LRRTM3: variants seen among roughly 807,000 people sequenced by gnomAD.
LRRTM3 encodes leucine-rich repeat transmembrane neuronal protein 3.
A neutral mutation model predicts 44.7 loss-of-function variants in LRRTM3; 24 were observed. The ratio of observed to expected loss-of-function variants is 0.54; its 90% CI spans 0.39 to 0.76. LRRTM3 has a LOEUF of 0.76. LRRTM3 is among the 30% of genes least tolerant of loss of function. LRRTM3 has a pLI of 0.00. For missense variants in LRRTM3, 587 were observed against 702.2 expected (o/e 0.84, Z 1.85); for synonymous variants, 277 against 278.7 (o/e 0.99, Z 0.06).
At chr10:66,934,595 C>G (rs187715475) in intron 2 of LRRTM3, among the ~76,000 whole-genome samples, 1 of 152,230 alleles carries the variant, frequency 6.6e-6, no homozygotes, top group African/African-American at 2.4e-5. Flanking sequence ...AGTTGAATTA[C>G]AGTCTTACAA....
chr10:67,034,539 C>T (rs1853926552), intron 2 of LRRTM3, among the ~76,000 whole-genome samples: 1 of 152,078 alleles, frequency 6.6e-6, no homozygotes, highest in Non-Finnish European at 1.5e-5. Flanking sequence ...AATCTCCTAC[C>T]CTCCATTAAC....
intron 2 of LRRTM3, among the ~76,000 whole-genome samples, chr10:67,022,811 G>C (rs941376630): frequency 6.6e-6 from 1 of 152,012 alleles, no homozygotes; most frequent in Non-Finnish European, 1.5e-5. Flanking sequence ...GGTGGTGCAC[G>C]CCTATAATCC....
intron 2 of LRRTM3, among the ~76,000 whole-genome samples, chr10:66,965,147 G>A (rs1400994072): frequency 6.6e-6 from 1 of 152,082 alleles, no homozygotes; most frequent in Non-Finnish European, 1.5e-5. Flanking sequence ...AAGACAGCTG[G>A]GAGCCACGGT....
chr10:66,974,536 T>C (rs572638539), intron 2 of LRRTM3, among the ~76,000 whole-genome samples: 1 of 152,344 alleles, frequency 6.6e-6, no homozygotes, highest in East Asian at 1.9e-4. Flanking sequence ...TTGTAATTAC[T>C]GGTTCGTAGT....
At chr10:67,043,005 T>C (rs1049860524) in intron 2 of LRRTM3, among the ~76,000 whole-genome samples, 12 of 151,876 alleles carry the variant, frequency 7.9e-5, no homozygotes, top group Non-Finnish European at 1.3e-4. Flanking sequence ...ACCGGTGGAA[T>C]AGTACAAAAG....
chr10:67,009,777 C>A (rs927700126), intron 2 of LRRTM3, among the ~76,000 whole-genome samples: 1 of 152,106 alleles, frequency 6.6e-6, no homozygotes, highest in Non-Finnish European at 1.5e-5. Context: ...CCTCTGTCAC[C>A]AAATCTCTTA....
intron 2 of LRRTM3, among the ~76,000 whole-genome samples, chr10:67,045,917 TG>T (rs1272966957): frequency 6.6e-6 from 1 of 152,136 alleles, no homozygotes; most frequent in Non-Finnish European, 1.5e-5. Flanking sequence ...GGAAGAAAAA[TG>T]CACAAGAACT....
intron 2 of LRRTM3, among the ~76,000 whole-genome samples, chr10:67,063,404 G>GAC (rs1855879056): frequency 2.6e-5 from 4 of 152,134 alleles, no homozygotes; most frequent in African/African-American, 9.7e-5. Flanking sequence ...AAAGTTAGGG[G>GAC]TCTCAATCAG....
chr10:67,058,072 C>A (rs915454687), intron 2 of LRRTM3, among the ~76,000 whole-genome samples: 1 of 152,176 alleles, frequency 6.6e-6, no homozygotes, highest in African/African-American at 2.4e-5. Context: ...TGTCTTTCAA[C>A]TAATCTTTTC....
At chr10:66,958,086 T>G (rs1381213445) in intron 2 of LRRTM3, among the ~76,000 whole-genome samples, 8 of 152,098 alleles carry the variant, frequency 5.3e-5, no homozygotes, top group Non-Finnish European at 4.4e-5. Context: ...TCATCCTTGC[T>G]GGCCTTCAGT....
At chr10:66,958,328 A>C (rs1014111335) in intron 2 of LRRTM3, among the ~76,000 whole-genome samples, 1 of 141,828 alleles carries the variant, frequency 7.1e-6, no homozygotes, top group Non-Finnish European at 1.5e-5. Flanking sequence ...AAAAAAAAAA[A>C]AAAAAATGCC....
chr10:66,937,870 C>A (rs1441744601), intron 2 of LRRTM3, among the ~76,000 whole-genome samples: 1 of 152,122 alleles, frequency 6.6e-6, no homozygotes, highest in South Asian at 2.1e-4. Context: ...TCTTATTAAT[C>A]TTTTCCTTCC....
At chr10:66,937,001 A>G (rs1847743278) in intron 2 of LRRTM3, among the ~76,000 whole-genome samples, 1 of 152,148 alleles carries the variant, frequency 6.6e-6, no homozygotes, top group Non-Finnish European at 1.5e-5. Context: ...ATTCCTCAGT[A>G]TTTTTCTCAA....
chr10:66,944,635 A>G (rs1439414016), intron 2 of LRRTM3, among the ~76,000 whole-genome samples: 1 of 152,190 alleles, frequency 6.6e-6, no homozygotes, highest in Non-Finnish European at 1.5e-5. Flanking sequence ...AGGCAGCATG[A>G]GACTTATAAA....
At chr10:67,026,268 G>GA (rs1853384211) in intron 2 of LRRTM3, among the ~76,000 whole-genome samples, 1 of 150,094 alleles carries the variant, frequency 6.7e-6, no homozygotes, top group Non-Finnish European at 1.5e-5. Context: ...TAATAATTAA[G>GA]AAAAAAAAGA....
At chr10:67,081,265 A>G (rs1857044619) in intron 2 of LRRTM3, among the ~76,000 whole-genome samples, 1 of 152,226 alleles carries the variant, frequency 6.6e-6, no homozygotes, top group African/African-American at 2.4e-5. Context: ...AGCTCATTTC[A>G]GGTATATACT....
intron 2 of LRRTM3, among the ~76,000 whole-genome samples, chr10:66,929,417 GCTCTGTC>G (rs1045631969): frequency 2.0e-5 from 3 of 152,120 alleles, no homozygotes; most frequent in African/African-American, 7.2e-5. Flanking sequence ...AGAATCCTTA[GCTCTGTC>G]CTGTTCTGTT....
At chr10:66,972,362 C>T (rs1849768193) in intron 2 of LRRTM3, among the ~76,000 whole-genome samples, 1 of 152,088 alleles carries the variant, frequency 6.6e-6, no homozygotes, top group African/African-American at 2.4e-5. Flanking sequence ...GTCTATGTTG[C>T]CCAGGCTTGC....
rs1172620834 is a variant in LRRTM3, at chr10:67,087,912, A to T, written c.1537-9675A>T. On this transcript the variant is annotated intron_variant, in intron 2 of 2. Coordinates refer to ENST00000361320, the MANE Select transcript of LRRTM3 (RefSeq NM_178011.5). ...TAATAAGTATAAGGAATCATGTGAGACAATATAAGGCATGGAGAAATATGA... is the reference window on the plus strand; with the variant it reads ...TAATAAGTATAAGGAATCATGTGAGTCAATATAAGGCATGGAGAAATATGA... Among the ~76,000 whole-genome samples the T allele has an allele frequency of 2.0e-5, 3 of 152,224 alleles. No individual in the cohort carries two copies. In the East Asian group the frequency reaches 5.8e-4, roughly 29 times the overall value.
Sources: allele counts gnomAD v4.1 joint callset (sites outside exome capture counted in the v4.1 genomes callset), GRCh38; gene constraint gnomAD v4.1.1; transcripts MANE v1.5; gene names NCBI Gene and HGNC (gene_info 2026-07-23, HGNC 2026-07-21).